The following FREM2 variants were observed in gnomAD, a reference collection of about 807,000 sequenced individuals.
The protein encoded by FREM2 is FRAS1-related extracellular matrix protein 2.
Under a neutral mutation model 219.9 loss-of-function variants are expected in FREM2, and 119 were observed. The observed-to-expected ratio is 0.54, with a 90% confidence interval of 0.47 to 0.63. The LOEUF (loss-of-function observed/expected upper bound fraction) is 0.63, where lower values mean the gene tolerates loss of function less well. Among genes scored for constraint, FREM2 ranks in the 30% least tolerant of loss-of-function variants. The probability of loss-of-function intolerance (pLI) is 0.00; values close to 1 mark genes in which losing one functional copy is unlikely to be tolerated. For synonymous variants in FREM2, 1,562 were observed against 1,522.8 expected (o/e 1.03, Z -0.60); for missense variants, 4,030 against 3,993.6 (o/e 1.01, Z -0.25).
intron 2 of FREM2, among the ~76,000 whole-genome samples, chr13:38,723,736 C>G (rs1226854605): frequency 2.0e-5 from 3 of 152,210 alleles, no homozygotes; most frequent in African/African-American, 7.2e-5. Flanking sequence ...AAGAAGGGTA[C>G]TAGCTATGTA....
At chr13:38,839,185 T>C (rs372759158) in intron 6 of FREM2, among the ~76,000 whole-genome samples, 2 of 152,344 alleles carry the variant, frequency 1.3e-5, no homozygotes, top group African/African-American at 4.8e-5. Context: ...TATTCCTTTC[T>C]GTTTGTTAGT....
chr13:38,873,320 GA>G lies in FREM2; in HGVS notation c.8176+393del, dbSNP rs201616141. On this transcript the variant is annotated intron_variant, in intron 17 of 23. Coordinates refer to ENST00000280481, the MANE Select transcript of FREM2 (RefSeq NM_207361.6). ...GAAAAAGTTACACATTTTTATTTCT[GA>G]AAAAAAGAGGTGCATTTAAATTAAA... Among the ~76,000 whole-genome samples, 1,125 of 152,080 alleles carry G rather than the reference GA, an allele frequency of 7.4e-3. 16 individuals are homozygous for G. The highest frequency in any genetic ancestry group is 0.025 in the African/African-American group (1,048 of 41,502).
At chr13:38,773,178 T>C (rs1873736665) in intron 4 of FREM2, among the ~76,000 whole-genome samples, 1 of 152,198 alleles carries the variant, frequency 6.6e-6, no homozygotes, top group East Asian at 1.9e-4. Context: ...ACTGAAAAAG[T>C]ATCACATACA....
At chr13:38,696,779 T>G (rs1464447216) in intron 1 of FREM2, among the ~76,000 whole-genome samples, 1 of 151,906 alleles carries the variant, frequency 6.6e-6, no homozygotes, top group Non-Finnish European at 1.5e-5. Flanking sequence ...TCTGAGGCAA[T>G]ATAACTTTCT....
intron 2 of FREM2, among the ~76,000 whole-genome samples, chr13:38,698,066 C>T (rs1464351700): frequency 1.3e-5 from 2 of 152,080 alleles, no homozygotes; most frequent in Non-Finnish European, 2.9e-5. Flanking sequence ...TCTAGTTGTT[C>T]AGATTACACC....
At chr13:38,692,837 G>A (rs1312635303) in intron 1 of FREM2, among the ~76,000 whole-genome samples, 3 of 152,282 alleles carry the variant, frequency 2.0e-5, no homozygotes, top group South Asian at 4.1e-4. Context: ...CCTATCCAAC[G>A]CATCCTCTGT....
chr13:38,776,007 A>G (rs1280555445), intron 4 of FREM2, among the ~76,000 whole-genome samples: 1 of 152,172 alleles, frequency 6.6e-6, no homozygotes, highest in African/African-American at 2.4e-5. Flanking sequence ...AACTCATAGC[A>G]CTTATTATCA....
chr13:38,718,743 G>A (rs953368434), intron 2 of FREM2, among the ~76,000 whole-genome samples: 1 of 151,984 alleles, frequency 6.6e-6, no homozygotes, highest in African/African-American at 2.4e-5. Flanking sequence ...CTCCAGTTTC[G>A]AATGTGGACA....
At position 38,783,146 on chromosome 13, in the gene FREM2, G is replaced by A; in HGVS notation, c.5718G>A (p.Arg1906=). 6.2e-7 allele frequency: 1 copy of A among 1,614,030 alleles called. No individual in the cohort carries two copies. Among genetic ancestry groups the A allele is most frequent in the Non-Finnish European group, 8.5e-7 (1 of 1,179,952 alleles). ...GTGAGCTGTTCATTCCCATCAGGAG[G>A]AGCGGAGATGTGAGCCAGGAGTTGA... ...DVGELFIPIR[R]SGDVSQELMV... is the part of the protein sequence containing the mutation. The change falls in exon 5 of 24, where the codon AGG becomes AGA. Residue 1906 remains arginine (R), a synonymous_variant. Coordinates refer to ENST00000280481, the MANE Select transcript of FREM2 (RefSeq NM_207361.6).
intron 6 of FREM2, among the ~76,000 whole-genome samples, chr13:38,835,166 G>A (rs1798692055): frequency 6.6e-6 from 1 of 152,122 alleles, no homozygotes; most frequent in Non-Finnish European, 1.5e-5. Context: ...TACTGTGTAT[G>A]GCTAGCCAGT....
rs73461823 is a variant in FREM2, at chr13:38,752,069, G to A, written c.5264-12235G>A. ...TACTACACGCTAAGCAGCAAAGCTA[G>A]CTTCGCAAAACTAATCTGAAATAAA... On this transcript the variant is annotated intron_variant, in intron 2 of 23. Transcript: ENST00000280481. Among the ~76,000 whole-genome samples, 879 of 152,312 alleles carry A rather than the reference G, an allele frequency of 5.8e-3. 15 individuals are homozygous for A. The highest frequency in any genetic ancestry group is 0.02 in the African/African-American group (846 of 41,560).
intron 6 of FREM2, among the ~76,000 whole-genome samples, chr13:38,823,192 A>G (rs1365241979): frequency 6.6e-6 from 1 of 151,696 alleles, no homozygotes; most frequent in Non-Finnish European, 1.5e-5. Flanking sequence ...TCTAAATATT[A>G]TATCCTTATT....
chr13:38,687,449 G>C lies in FREM2; in HGVS notation c.105G>C (p.Leu35=). The C allele has an allele frequency of 6.3e-7, 1 of 1,593,484 alleles. No homozygotes were observed. Among genetic ancestry groups the C allele is most frequent in the Non-Finnish European group, 8.5e-7 (1 of 1,170,266 alleles). ...CGCCCCGGCTGCTGCTGCTGCTGCTGCTTCTCCTGTCACTGGTAAGCCGCG... is the reference window on the plus strand; with the variant it reads ...CGCCCCGGCTGCTGCTGCTGCTGCTCCTTCTCCTGTCACTGGTAAGCCGCG... ...PPPPRLLLLL[L]LLLSLVSRVP... is the part of the protein sequence containing the mutation. The change falls in exon 1 of 24, where the codon CTG becomes CTC. Residue 35 remains leucine (L), a synonymous_variant. Transcript: ENST00000280481.
intron 1 of FREM2, among the ~76,000 whole-genome samples, chr13:38,694,188 T>A (rs903366665): frequency 9.2e-5 from 14 of 152,236 alleles, no homozygotes; most frequent in African/African-American, 3.4e-4. Flanking sequence ...AATTATGCTA[T>A]TTCATTATAG....
At position 38,881,478 on chromosome 13, in the gene FREM2, C is replaced by G. The variant is rs1291223031; in HGVS notation, c.*691C>G. 1 of 154,486 alleles carries G rather than the reference C, an allele frequency of 6.5e-6. No individual in the cohort carries two copies. Among genetic ancestry groups the G allele is most frequent in the Admixed American group, 6.4e-5 (1 of 15,646 alleles). The allele number at this position is 154,486 out of a possible 1,614,324, so 9.6% of individuals were successfully genotyped here. On this transcript the variant is annotated 3_prime_UTR_variant, in exon 24 of 24. Transcript: ENST00000280481. ...AATTAAACCAAAGAATATGTTAATT[C>G]TGAAAGAGATTTTTAAGAGATGCTG...
intron 2 of FREM2, among the ~76,000 whole-genome samples, chr13:38,708,844 C>T (rs148070589): frequency 1.2e-4 from 19 of 152,230 alleles, no homozygotes; most frequent in African/African-American, 4.3e-4. Context: ...ACTGCAACCT[C>T]TGCCTCACAG....
intron 16 of FREM2, among the ~76,000 whole-genome samples, chr13:38,872,342 G>A (rs1406098446): frequency 3.9e-5 from 6 of 152,274 alleles, no homozygotes; most frequent in Non-Finnish European, 2.9e-5. Context: ...TGGAGGTGAT[G>A]AAAATCTTCT....
intron 6 of FREM2, among the ~76,000 whole-genome samples, chr13:38,840,622 T>TAA (rs1447780317): frequency 1.2e-5 from 1 of 84,848 alleles, no homozygotes; most frequent in African/African-American, 5.8e-5. Flanking sequence ...GGGATAAAAC[T>TAA]AAAATATATA....
chr13:38,710,060 A>C (rs1205399840), intron 2 of FREM2, among the ~76,000 whole-genome samples: 1 of 151,040 alleles, frequency 6.6e-6, no homozygotes, highest in Non-Finnish European at 1.5e-5. Flanking sequence ...GTGATGGCAC[A>C]TACCTGTGTT....
Sources: gnomAD v4.1 joint callset for allele counts (sites outside exome capture counted in the v4.1 genomes callset) on GRCh38, gnomAD v4.1.1 for gene constraint, MANE v1.5 for transcripts, NCBI Gene and HGNC (gene_info 2026-07-23, HGNC 2026-07-21) for gene names.